CPVL: variants seen among roughly 807,000 people sequenced by gnomAD.
The protein encoded by CPVL is carboxypeptidase vitellogenic like, also known as probable serine carboxypeptidase CPVL.
A neutral mutation model predicts 63.7 loss-of-function variants in CPVL; 51 were observed. That is an observed-to-expected ratio of 0.80 (90% confidence interval 0.64 to 1.01). CPVL has a LOEUF of 1.01. Among genes scored for constraint, CPVL ranks in the 50% least tolerant of loss-of-function variants. CPVL has a pLI of 0.00. For missense variants in CPVL, 530 were observed against 573.1 expected (o/e 0.92, Z 0.77); for synonymous variants, 195 against 206.0 (o/e 0.95, Z 0.46).
chr7:29,051,467 T>G (rs1038902184), intron 11 of CPVL, among the ~76,000 whole-genome samples: 3 of 152,118 alleles, frequency 2.0e-5, no homozygotes, highest in African/African-American at 7.2e-5. Flanking sequence ...AAAGAAGATA[T>G]ACAAATGGCC....
chr7:29,063,547 G>A (rs2648656), intron 11 of CPVL, among the ~76,000 whole-genome samples: 128,305 of 152,150 alleles, frequency 0.84, 54,144 homozygotes, highest in South Asian at 0.91. Flanking sequence ...GAATAATCAG[G>A]GGAAAGTGGT....
intron 11 of CPVL, among the ~76,000 whole-genome samples, chr7:29,043,623 A>C (rs1789336605): frequency 6.6e-6 from 1 of 152,196 alleles, no homozygotes; most frequent in East Asian, 1.9e-4. Context: ...TGCCCAGAGC[A>C]AAAAGTTTCT....
chr7:29,123,531 G>T (rs1789583116), intron 1 of CPVL, among the ~76,000 whole-genome samples: 1 of 132,794 alleles, frequency 7.5e-6, no homozygotes, highest in Non-Finnish European at 1.5e-5. Context: ...TTACACTGAT[G>T]CTTTTATAGC....
chr7:29,062,274 C>A (rs1042481410), intron 11 of CPVL, among the ~76,000 whole-genome samples: 1 of 152,162 alleles, frequency 6.6e-6, no homozygotes, highest in African/African-American at 2.4e-5. Flanking sequence ...GTGCCATGTA[C>A]ACCTATGGGG....
intron 9 of CPVL, among the ~76,000 whole-genome samples, chr7:29,071,477 C>T (rs2072237): frequency 0.14 from 22,018 of 152,138 alleles, 2,161 homozygotes; most frequent in East Asian, 0.42. Context: ...ATAGAGTCTG[C>T]CTTGAGGGCC....
intron 11 of CPVL, among the ~76,000 whole-genome samples, chr7:29,055,932 T>C (rs972997694): frequency 6.6e-6 from 1 of 152,220 alleles, no homozygotes; most frequent in Non-Finnish European, 1.5e-5. Context: ...CTGCTGGATG[T>C]AGGAATTGAA....
rs114969369 is a variant in CPVL at position 29,173,314 on chromosome 7, G to C, written c.-11+7976C>G. Among the ~76,000 whole-genome samples the C allele has an allele frequency of 6.5e-3, 989 of 152,132 alleles. 8 individuals are homozygous for C. Among genetic ancestry groups the C allele is most frequent in the African/African-American group, 0.019 (801 of 41,484 alleles). ...GCATCTGCCAGGTGCTGGTAGCCTC[G>C]AGTGGGGGCCTAACTTTCTGCAGCC... On this transcript the variant is annotated intron_variant, in intron 5 of 16. Transcript: ENST00000409850.
intron 11 of CPVL, among the ~76,000 whole-genome samples, chr7:29,057,728 C>T (rs543451671): frequency 2.4e-4 from 37 of 152,236 alleles, no homozygotes; most frequent in Non-Finnish European, 4.1e-4. Context: ...GTGGATATAT[C>T]CATTTGTTCC....
intron 1 of CPVL, chr7:29,127,692 C>A (rs1038551747): frequency 6.6e-6 from 1 of 152,212 alleles, no homozygotes; most frequent in Admixed American, 6.5e-5. Context: ...ATTCTCTGAC[C>A]TACTTCCCCT....
intron 1 of CPVL, among the ~76,000 whole-genome samples, chr7:29,137,916 C>G (rs548230693): frequency 1.1e-4 from 17 of 152,142 alleles, no homozygotes; most frequent in Non-Finnish European, 2.1e-4. Flanking sequence ...GGAGAGTTTT[C>G]TAGATATGCT....
intron 1 of CPVL, among the ~76,000 whole-genome samples, chr7:29,189,839 A>G (rs751395359): frequency 2.0e-4 from 30 of 152,182 alleles, no homozygotes; most frequent in Admixed American, 4.6e-4. Context: ...GCCCCCCTGC[A>G]GCTCAGTGAG....
At chr7:29,035,507 C>T (rs896928451) in intron 11 of CPVL, among the ~76,000 whole-genome samples, 1 of 152,210 alleles carries the variant, frequency 6.6e-6, no homozygotes, top group African/African-American at 2.4e-5. Context: ...CTGGTGACAT[C>T]TCTTAGTCAC....
chr7:29,131,743 G>A (rs886545681), intron 1 of CPVL, among the ~76,000 whole-genome samples: 1 of 152,150 alleles, frequency 6.6e-6, no homozygotes, highest in African/African-American at 2.4e-5. Flanking sequence ...GAGCTCCTGG[G>A]CTCAAGCGAT....
At chr7:29,114,112 G>A (rs937019692) in intron 2 of CPVL, among the ~76,000 whole-genome samples, 20 of 152,104 alleles carry the variant, frequency 1.3e-4, no homozygotes, top group African/African-American at 4.6e-4. Flanking sequence ...GACATTGACA[G>A]GATAAAATAA....
At chr7:29,155,143 T>A (rs1794175621) in intron 5 of CPVL, among the ~76,000 whole-genome samples, 1 of 152,070 alleles carries the variant, frequency 6.6e-6, no homozygotes, top group African/African-American at 2.4e-5. Flanking sequence ...CACGTGGGAA[T>A]TCAAGATGAG....
intron 5 of CPVL, among the ~76,000 whole-genome samples, chr7:29,153,391 C>T (rs1404703068): frequency 2.6e-5 from 4 of 152,092 alleles, no homozygotes; most frequent in African/African-American, 9.7e-5. Flanking sequence ...CTGAGTGTGT[C>T]CACCTTCTCT....
chr7:29,117,785 C>A (rs1788920492), intron 2 of CPVL, among the ~76,000 whole-genome samples: 2 of 152,188 alleles, frequency 1.3e-5, no homozygotes, highest in South Asian at 4.1e-4. Context: ...GGATGTAAAG[C>A]ACAATGCCTG....
chr7:29,114,062 A>C (rs1413886813), intron 2 of CPVL, among the ~76,000 whole-genome samples: 1 of 152,164 alleles, frequency 6.6e-6, no homozygotes, highest in Non-Finnish European at 1.5e-5. Flanking sequence ...AGGCTCTGGA[A>C]GGCTAATTGT....
In CPVL at chr7:29,112,805, C is replaced by T. The variant is rs1158134164; in HGVS notation, c.187G>A (p.Val63Ile). The T allele has an allele frequency of 6.2e-7, 1 of 1,612,814 alleles. No individual in the cohort carries two copies. Among genetic ancestry groups the T allele is most frequent in the Non-Finnish European group, 8.5e-7 (1 of 1,179,298 alleles). Residue 63 changes from valine (V) to isoleucine (I), a missense_variant, in exon 3 of 13, where the codon GTC becomes ATC. By Grantham distance (29) the Val-to-Ile change is conservative (BLOSUM62 3). Transcript: ENST00000265394. ...KIQKGRELSL[V>I]GPFPGLNMKS... The stretch of plus-strand genomic sequence containing the variant: ...ATGTTCAGTCCTGGGAAAGGGCCGA[C>T]CAAACTCAATTCTCTTCCTAGTGGG...
Sources: gnomAD v4.1 joint callset for allele counts (sites outside exome capture counted in the v4.1 genomes callset) on GRCh38, gnomAD v4.1.1 for gene constraint, MANE v1.5 for transcripts, NCBI Gene and HGNC (gene_info 2026-07-23, HGNC 2026-07-21) for gene names.